Variants in BMX observed in about 807,000 individuals in gnomAD.
BMX encodes BMX non-receptor tyrosine kinase.
In BMX, 31 loss-of-function variants were observed where a neutral mutation model predicts 59.2. That is an observed-to-expected ratio of 0.52 (90% CI 0.39 to 0.71). The LOEUF is 0.71. Ranked by LOEUF, BMX falls within the 30% of genes least tolerant of loss-of-function variation. The probability of loss-of-function intolerance (pLI) is 0.00; values close to 1 mark genes in which losing one functional copy is unlikely to be tolerated. For synonymous variants in BMX, 185 were observed against 181.0 expected (o/e 1.02, Z -0.18); for missense variants, 474 against 491.7 (o/e 0.96, Z 0.34).
intron 4 of BMX, among the ~76,000 whole-genome samples, chrX:15,513,776 C>A (rs1298694954): frequency 9.0e-6 from 1 of 111,088 alleles, no homozygotes; most frequent in Non-Finnish European, 1.9e-5. Flanking sequence ...GGAGTTGGCA[C>A]CTGTACATCA....
chrX:15,541,929 C>T, intron 14 of BMX, 53 bp from the exon 15 acceptor site: 1 of 1,066,779 alleles, frequency 9.4e-7, no homozygotes, highest in Non-Finnish European at 1.3e-6. Flanking sequence ...TTTTTCAGTA[C>T]ATGTAGAAAA....
At chrX:15,554,022 A>T (rs1244139833) in intron 18 of BMX, among the ~76,000 whole-genome samples, 2 of 112,299 alleles carry the variant, frequency 1.8e-5, no homozygotes, top group African/African-American at 6.5e-5. Context: ...CTCCTTTTTT[A>T]GATTTTATTT....
intron 16 of BMX, among the ~76,000 whole-genome samples, chrX:15,545,883 A>C (rs192652223): frequency 1.8e-5 from 2 of 111,885 alleles, no homozygotes; most frequent in Admixed American, 9.5e-5. Flanking sequence ...CACTGCTCAG[A>C]TGTTTGGTGG....
chrX:15,516,231 T>C lies in BMX; in HGVS notation c.445T>C (p.Tyr149His). ...CCCAGGATGTACCCTCTGGGAAGCATGTAATGTGTGATTCCTCTGTTGGAC... is the reference window on the plus strand; with the variant it reads ...CCCAGGATGTACCCTCTGGGAAGCACGTAATGTGTGATTCCTCTGTTGGAC... ...AAPGCTLWEA[Y>H]ANLHTAVNEE... The change falls in exon 5 of 19, where the codon TAT becomes CAT. Residue 149 changes from tyrosine (Y) to histidine (H), a missense_variant and splice_region_variant. Transcript: ENST00000348343. 1 of 1,208,713 alleles carries C rather than the reference T, an allele frequency of 8.3e-7. No individual in the cohort carries two copies. The highest frequency in any genetic ancestry group is 1.1e-6 in the Non-Finnish European group (1 of 893,879).
intron 1 of BMX, among the ~76,000 whole-genome samples, chrX:15,504,296 C>T (rs1923666423): frequency 9.0e-6 from 1 of 111,566 alleles, no homozygotes; most frequent in South Asian, 3.7e-4. Flanking sequence ...ATTTAAGTCC[C>T]GTAAAGTAAG....
intron 14 of BMX, among the ~76,000 whole-genome samples, chrX:15,540,607 G>A (rs1050530434): frequency 9.0e-6 from 1 of 110,543 alleles, no homozygotes; most frequent in Admixed American, 9.7e-5. Flanking sequence ...CAACTTCTGC[G>A]TGGCAACAAA....
At chrX:15,532,081 G>C (rs139212452) in intron 11 of BMX, among the ~76,000 whole-genome samples, 3,055 of 111,460 alleles carry the variant, frequency 0.027, 97 homozygotes, top group African/African-American at 0.093. Flanking sequence ...CTATGAGTGG[G>C]GTGAGTTAAT....
intron 10 of BMX, among the ~76,000 whole-genome samples, chrX:15,530,819 C>T (rs1253847496): frequency 1.8e-5 from 2 of 112,074 alleles, no homozygotes; most frequent in Non-Finnish European, 3.8e-5. Context: ...GATAAAAACA[C>T]TAAACATTAC....
Position 15,536,422 on chromosome X carries a change from G to C in BMX, c.1217G>C (p.Gly406Ala). ...ANKVPDSVSLGNGIWELKREE... is the reference protein window; with the variant it reads ...ANKVPDSVSLANGIWELKREE... ...AAGGTCCCCGACTCTGTGTCCCTGG[G>C]AAATGGTATGGATACATACTTGGGT... Residue 406 changes from glycine (G) to alanine (A), a missense_variant, in exon 13 of 19, where the codon GGA becomes GCA. Gly to Ala is a moderately conservative substitution (Grantham distance 60, BLOSUM62 0). Coordinates refer to ENST00000348343, the MANE Select transcript of BMX (RefSeq NM_203281.3). 8.3e-7 allele frequency: 1 copy of C among 1,201,672 alleles called. No homozygotes were observed. Among genetic ancestry groups the C allele is most frequent in the African/African-American group, 1.8e-5 (1 of 56,985 alleles).
At position 15,534,481 on chromosome X, in the gene BMX, T is replaced by A. The variant is rs1339132736; in HGVS notation, c.1147+142T>A. 2.1e-5 allele frequency: 11 copies of A among 517,058 alleles called. No homozygotes were observed. The East Asian group carries it at 5.2e-4, about 25-fold the overall frequency. 42.6% of individuals were successfully genotyped at this position (517,058 alleles called of 1,213,427 possible). On this transcript the variant is annotated intron_variant, in intron 12 of 18. Coordinates refer to ENST00000348343, the MANE Select transcript of BMX (RefSeq NM_203281.3). ...ATCCTCTCAAGTCTTTTGCCTATCATAATTTTTAGCTTACATTCCCAGGAA... is the reference window on the plus strand; with the variant it reads ...ATCCTCTCAAGTCTTTTGCCTATCAAAATTTTTAGCTTACATTCCCAGGAA...
intron 17 of BMX, among the ~76,000 whole-genome samples, 184 bp downstream of exon 17, chrX:15,547,105 G>C (rs915467070): frequency 8.9e-6 from 1 of 111,896 alleles, no homozygotes; most frequent in African/African-American, 3.3e-5. Flanking sequence ...GTATTAGGAT[G>C]TCTTCTACAC....
intron 7 of BMX, among the ~76,000 whole-genome samples, chrX:15,523,727 T>C (rs1351886007): frequency 8.9e-6 from 1 of 111,805 alleles, no homozygotes; most frequent in Non-Finnish European, 1.9e-5. Context: ...ACTCCAGTGA[T>C]TCATTGAGAG....
intron 18 of BMX, 134 bp from the exon 19 acceptor site, chrX:15,555,939 T>C: frequency 1.7e-6 from 1 of 578,389 alleles, no homozygotes; most frequent in Non-Finnish European, 2.7e-6. Flanking sequence ...CTGACCTCAA[T>C]TGAAATGTCT....
chrX:15,538,263 A>G (rs1925476645), intron 14 of BMX, among the ~76,000 whole-genome samples: 1 of 107,010 alleles, frequency 9.3e-6, no homozygotes, highest in Non-Finnish European at 1.9e-5. Context: ...TCTTCTTGTC[A>G]ACATAGTAAA....
At chrX:15,524,665 G>A (rs1260658345) in intron 7 of BMX, among the ~76,000 whole-genome samples, 1 of 111,988 alleles carries the variant, frequency 8.9e-6, no homozygotes, top group Non-Finnish European at 1.9e-5. Flanking sequence ...CCTTGCTAAG[G>A]AAACTTGTTT....
At chrX:15,543,507 G>A (rs1048157609) in intron 16 of BMX, among the ~76,000 whole-genome samples, 9 of 111,058 alleles carry the variant, frequency 8.1e-5, no homozygotes, top group African/African-American at 2.9e-4. Context: ...CATGCAATGT[G>A]AAATAATCGC....
At chrX:15,545,146 C>A (rs184725856) in intron 16 of BMX, among the ~76,000 whole-genome samples, 6 of 111,779 alleles carry the variant, frequency 5.4e-5, no homozygotes, top group African/African-American at 2.0e-4. Flanking sequence ...GCAGTGAATC[C>A]GTAAAGGTCT....
intron 15 of BMX, 77 bp downstream of exon 15, chrX:15,542,275 G>T (rs1354517546): frequency 2.6e-5 from 25 of 973,402 alleles, no homozygotes; most frequent in Non-Finnish European, 3.6e-5. Context: ...GTCACTGGTA[G>T]GGAAGGCAAG....
In BMX at chrX:15,517,968, G is replaced by A; in HGVS notation, c.485G>A (p.Arg162Lys). The change falls in exon 6 of 19, where the codon AGA becomes AAA. Residue 162 changes from arginine (R) to lysine (K), a missense_variant. Physicochemically the swap from Arg to Lys is conservative, Grantham distance 26. Coordinates refer to ENST00000348343, the MANE Select transcript of BMX (RefSeq NM_203281.3). ...ACTGCAGTCAATGAAGAGAAACACA[G>A]AGTTCCCACCTTCCCAGACAGAGTG... ...LHTAVNEEKH[R>K]VPTFPDRVLK... is the part of the protein sequence containing the mutation. The A allele has an allele frequency of 3.3e-6, 4 of 1,207,879 alleles. No homozygotes were observed. Among genetic ancestry groups the A allele is most frequent in the Non-Finnish European group, 4.5e-6 (4 of 892,921 alleles).
Sources: gnomAD v4.1 joint callset for allele counts (sites outside exome capture counted in the v4.1 genomes callset) on GRCh38, gnomAD v4.1.1 for gene constraint, MANE v1.5 for transcripts, NCBI Gene and HGNC (gene_info 2026-07-23, HGNC 2026-07-21) for gene names.